The following ZNF462 variants were observed in gnomAD, a reference collection of about 807,000 sequenced individuals.
ZNF462 encodes the protein zinc finger PBX1-interacting protein.
ZNF462 carries 10 observed loss-of-function variants against 201.9 expected under a neutral mutation model. The ratio of observed to expected loss-of-function variants is 0.05; its 90% CI spans 0.03 to 0.08. ZNF462 has a LOEUF of 0.08. Among genes scored for constraint, ZNF462 ranks in the 10% least tolerant of loss-of-function variants. The pLI is 1.00. For missense variants in ZNF462, 2,523 were observed against 3,168.3 expected, an observed-to-expected ratio of 0.80 and a Z score of 4.89; for synonymous variants, 1,227 against 1,193.3, an observed-to-expected ratio of 1.03 and a Z score of -0.58.
Position 106,930,551 on chromosome 9 carries a change from A to C in ZNF462, c.5874A>C (p.Pro1958=). The change falls in exon 4 of 13, where the codon CCA becomes CCC. Residue 1958 remains proline (P), a synonymous_variant. Coordinates refer to ENST00000277225, the MANE Select transcript of ZNF462 (RefSeq NM_021224.6). The surrounding 1 kb of genome is among the most constrained non-coding windows in gnomAD (Gnocchi z 5.8). The stretch of plus-strand genomic sequence containing the variant: ...CTTTTGGTCACTTAGAAGAGGTGCC[A>C]AAGATCAAGGAGAGGAAAGTGGTGG... The part of the protein sequence containing the change: ...ERPFGHLEEV[P]KIKERKVVGY... 1.2e-6 allele frequency: 2 copies of C among 1,614,154 alleles called. No individual in the cohort carries two copies. The highest frequency in any genetic ancestry group is 2.2e-5 in the East Asian group (1 of 44,884).
intron 1 of ZNF462, among the ~76,000 whole-genome samples, chr9:106,866,911 A>G (rs1827357722): frequency 1.3e-5 from 2 of 152,186 alleles, no homozygotes; most frequent in South Asian, 4.1e-4. Context: ...CTTTCATGAT[A>G]TCTTTTTTTA....
intron 7 of ZNF462, among the ~76,000 whole-genome samples, chr9:106,942,525 T>C (rs991711800): frequency 1.3e-5 from 2 of 152,156 alleles, no homozygotes; most frequent in Non-Finnish European, 2.9e-5. Flanking sequence ...TATAAGATAA[T>C]GGGCAATGAC....
rs780597360 is a variant in ZNF462 at position 107,011,741 on chromosome 9, A to AT, written c.*718dup. The AT allele has an allele frequency of 5.9e-5, 9 of 152,262 alleles. No individual in the cohort carries two copies. The highest frequency in any genetic ancestry group is 9.6e-5 in the African/African-American group (4 of 41,568). 9.4% of individuals were successfully genotyped at this position (152,262 alleles called of 1,614,324 possible). ...GGGTTTTATTTCTTAAAATACTGTG[A>AT]TTTTTTTAATTATTTTAGTAAAAAA... On this transcript the variant is annotated 3_prime_UTR_variant, in exon 13 of 13. Coordinates refer to ENST00000277225, the MANE Select transcript of ZNF462 (RefSeq NM_021224.6). This position sits in a 1 kb window ranked among gnomAD's most constrained non-coding sequence, Gnocchi z 5.6.
Position 106,930,485 on chromosome 9 carries a change from A to T in ZNF462, c.5848-40A>T. 1.2e-6 allele frequency: 2 copies of T among 1,600,804 alleles called. No individual in the cohort carries two copies. Among genetic ancestry groups the T allele is most frequent in the Non-Finnish European group, 1.7e-6 (2 of 1,170,124 alleles). ...AAGAATAAATTCTGACAATTGAGGG[A>T]GGGCTCGGAGTACTGATGGCTACCA... On this transcript the variant is annotated intron_variant, in intron 3 of 12. Coordinates refer to ENST00000277225, the MANE Select transcript of ZNF462 (RefSeq NM_021224.6). The surrounding 1 kb of genome is among the most constrained non-coding windows in gnomAD (Gnocchi z 5.8).
At position 106,984,119 on chromosome 9, in the gene ZNF462, CAAAG is replaced by C. The variant is rs1217971342; in HGVS notation, c.6833-60_6833-57del. 1 of 1,466,202 alleles carries C rather than the reference CAAAG, an allele frequency of 6.8e-7. No homozygotes were observed. Among genetic ancestry groups the C allele is most frequent in the East Asian group, 2.3e-5 (1 of 44,070 alleles). 90.8% of individuals were successfully genotyped at this position (1,466,202 alleles called of 1,614,324 possible). A position where few individuals can be genotyped will look rare whatever the true frequency, so the allele number is the denominator to read the frequency against. On this transcript the variant is annotated intron_variant, in intron 9 of 12. Coordinates refer to ENST00000277225, the MANE Select transcript of ZNF462 (RefSeq NM_021224.6). This position sits in a 1 kb window ranked among gnomAD's most constrained non-coding sequence, Gnocchi z 6.4. Reference sequence around the variant, plus strand: ...ATTGGGTGAGTTTCTTCTTGTATTCCAAAGAAAGAACTTCTGTTTTGCCATCAGT... The same window carrying C: ...ATTGGGTGAGTTTCTTCTTGTATTCCAAAGAACTTCTGTTTTGCCATCAGT...
At chr9:106,996,281 TGCATGTGTCTTTATA>T (rs1344932691) in intron 10 of ZNF462, among the ~76,000 whole-genome samples, 1 of 152,210 alleles carries the variant, frequency 6.6e-6, no homozygotes, top group African/African-American at 2.4e-5. Flanking sequence ...AACATACGTG[TGCATGTGTCTTTATA>T]GCAGCATGAT....
In ZNF462 at chr9:106,933,878, C is replaced by T. The variant is rs1461917330; in HGVS notation, c.6116+1329C>T. ...CTGAGGGAGGAGACCATGAAGCTGA[C>T]TGGGGCCCTAGCTGGGGGTTCAGTT... On this transcript the variant is annotated intron_variant, in intron 5 of 12. Transcript: ENST00000277225. The surrounding 1 kb of genome is among the most constrained non-coding windows in gnomAD (Gnocchi z 4.3). Among the ~76,000 whole-genome samples the T allele has an allele frequency of 6.6e-6, 1 of 152,072 alleles. No individual in the cohort carries two copies. The highest frequency in any genetic ancestry group is 1.5e-5 in the Non-Finnish European group (1 of 68,014).
chr9:106,900,869 G>T (rs896128673), intron 1 of ZNF462, among the ~76,000 whole-genome samples: 1 of 152,076 alleles, frequency 6.6e-6, no homozygotes, highest in Non-Finnish European at 1.5e-5. Flanking sequence ...TCCTTTTGCT[G>T]TGCAAAAGCT....
chr9:106,976,010 G>A (rs922940097), intron 9 of ZNF462: 1 of 152,202 alleles, frequency 6.6e-6, no homozygotes, highest in Non-Finnish European at 1.5e-5. Context: ...ACTTGAGAGT[G>A]AGACAAACTA....
At chr9:106,887,319 G>A (rs1012039246) in intron 1 of ZNF462, among the ~76,000 whole-genome samples, 3 of 152,098 alleles carry the variant, frequency 2.0e-5, no homozygotes, top group African/African-American at 4.8e-5. Context: ...ATCCACAGCT[G>A]GCTTTTCCTT....
rs975108637 is a variant in ZNF462 at position 106,902,567 on chromosome 9, G to A, written c.-30-20787G>A. Reference sequence around the variant, plus strand: ...CATCTGGTCCTGGACTTTTTTTGTTGGTAATTTTTTAATTTATCATTTCAA... The same window carrying A: ...CATCTGGTCCTGGACTTTTTTTGTTAGTAATTTTTTAATTTATCATTTCAA... On this transcript the variant is annotated intron_variant, in intron 1 of 12. Transcript: ENST00000277225. This position sits in a 1 kb window ranked among gnomAD's most constrained non-coding sequence, Gnocchi z 4.2. Among the ~76,000 whole-genome samples the A allele has an allele frequency of 6.6e-6, 1 of 151,724 alleles. No homozygotes were observed. The highest frequency in any genetic ancestry group is 1.5e-5 in the Non-Finnish European group (1 of 67,860).
At chr9:106,961,369 A>G (rs779450997) in intron 7 of ZNF462, among the ~76,000 whole-genome samples, 1 of 152,130 alleles carries the variant, frequency 6.6e-6, no homozygotes, top group Non-Finnish European at 1.5e-5. Flanking sequence ...TTCAGAAGCC[A>G]TTGTCCGTGT....
At chr9:106,922,165 T>C (rs1830017382) in intron 1 of ZNF462, among the ~76,000 whole-genome samples, 1 of 152,216 alleles carries the variant, frequency 6.6e-6, no homozygotes, top group African/African-American at 2.4e-5. Context: ...ATAAAATACA[T>C]TGGCTACGGT....
At chr9:106,969,257 G>A (rs576959852) in intron 7 of ZNF462, among the ~76,000 whole-genome samples, 75 of 152,238 alleles carry the variant, frequency 4.9e-4, no homozygotes, top group South Asian at 3.9e-3. Context: ...TGACATGGAC[G>A]CATTAGCTGT....
intron 7 of ZNF462, among the ~76,000 whole-genome samples, chr9:106,957,405 C>T (rs1831629410): frequency 6.6e-6 from 1 of 152,122 alleles, no homozygotes. Context: ...AAAGATCACA[C>T]ATCACCGTAA....
In ZNF462 at chr9:106,929,856, C is replaced by G. The variant is rs893257022; in HGVS notation, c.5847+97C>G. 1.8e-6 allele frequency: 2 copies of G among 1,138,822 alleles called. No individual in the cohort carries two copies. The highest frequency in any genetic ancestry group is 3.2e-5 in the African/African-American group (2 of 63,346). 70.5% of individuals were successfully genotyped at this position (1,138,822 alleles called of 1,614,324 possible). ...TGCCAGCCAAACTGCTGCAGGCTTCCTAGTGACTTAGCTTGCCAGAGAGCT... is the reference window on the plus strand; with the variant it reads ...TGCCAGCCAAACTGCTGCAGGCTTCGTAGTGACTTAGCTTGCCAGAGAGCT... On this transcript the variant is annotated intron_variant, in intron 3 of 12. Transcript: ENST00000277225. This position sits in a 1 kb window ranked among gnomAD's most constrained non-coding sequence, Gnocchi z 8.7.
rs1827636525 is a variant in ZNF462 at position 106,872,509 on chromosome 9, C to T, written c.-31+9154C>T. The stretch of plus-strand genomic sequence containing the variant: ...TCCCAAGTAGCTGGGACTACAGGCA[C>T]AAGCCACCATGCCCAGCTAATTTCT... On this transcript the variant is annotated intron_variant, in intron 1 of 12. Coordinates refer to ENST00000277225, the MANE Select transcript of ZNF462 (RefSeq NM_021224.6). The surrounding 1 kb of genome is among the most constrained non-coding windows in gnomAD (Gnocchi z 4.5). Among the ~76,000 whole-genome samples, 1 of 152,122 alleles carries T rather than the reference C, an allele frequency of 6.6e-6. No homozygotes were observed. Among genetic ancestry groups the T allele is most frequent in the Admixed American group, 6.5e-5 (1 of 15,280 alleles).
In ZNF462 at chr9:107,008,236, G is replaced by A. The variant is rs902716717; in HGVS notation, c.7190-1309G>A. Among the ~76,000 whole-genome samples, 2 of 152,196 alleles carry A rather than the reference G, an allele frequency of 1.3e-5. No homozygotes were observed. Among genetic ancestry groups the A allele is most frequent in the African/African-American group, 4.8e-5 (2 of 41,452 alleles). On this transcript the variant is annotated intron_variant, in intron 11 of 12. Coordinates refer to ENST00000277225, the MANE Select transcript of ZNF462 (RefSeq NM_021224.6). The surrounding 1 kb of genome is among the most constrained non-coding windows in gnomAD (Gnocchi z 4.8). ...GGAATTAATGCGCAGAGCAGATGGT[G>A]CTGTCTCATTTCCAATGAAAAGAAT... is the stretch of plus-strand genomic sequence containing the variant.
chr9:106,928,000 C>T lies in ZNF462; in HGVS notation c.4088C>T (p.Pro1363Leu). 1 of 1,614,150 alleles carries T rather than the reference C, an allele frequency of 6.2e-7. No homozygotes were observed. The highest frequency in any genetic ancestry group is 8.5e-7 in the Non-Finnish European group (1 of 1,180,026). Residue 1363 changes from proline (P) to leucine (L), a missense_variant, in exon 3 of 13, where the codon CCA becomes CTA. By Grantham distance (98) the Pro-to-Leu change is moderately conservative (BLOSUM62 -3). This residue lies in a region of ZNF462 where 165 missense variants were observed against 142.6 expected (regional missense o/e 1.16). Coordinates refer to ENST00000277225, the MANE Select transcript of ZNF462 (RefSeq NM_021224.6). ...CCATCCCCTCCCTCTCTCACAATGCCAGCCGAAGCCAAAACCTACAGATGC... is the reference window on the plus strand; with the variant it reads ...CCATCCCCTCCCTCTCTCACAATGCTAGCCGAAGCCAAAACCTACAGATGC... ...PDPSPPSLTM[P>L]AEAKTYRCRD...
Sources: gnomAD v4.1 joint callset for allele counts (sites outside exome capture counted in the v4.1 genomes callset) on GRCh38, gnomAD v4.1.1 for gene constraint, gnomAD v4.1.1 regional missense constraint, Gnocchi (gnomAD v3.1) non-coding constraint, MANE v1.5 for transcripts, NCBI Gene and HGNC (gene_info 2026-07-23, HGNC 2026-07-21) for gene names.